Variants in MAPT observed in about 807,000 individuals in gnomAD.
The protein encoded by MAPT is microtubule associated protein tau.
Under a neutral mutation model 67.9 loss-of-function variants are expected in MAPT, and 34 were observed. That is an observed-to-expected ratio of 0.50 (90% CI 0.38 to 0.67). The LOEUF (loss-of-function observed/expected upper bound fraction) is 0.67. Ranked by LOEUF, MAPT falls within the 30% of genes least tolerant of loss-of-function variation. The pLI is 0.00. For missense variants in MAPT, 881 were observed against 1,115.2 expected, an observed-to-expected ratio of 0.79 and a Z score of 2.99; for synonymous variants, 456 against 464.5, an observed-to-expected ratio of 0.98 and a Z score of 0.23.
chr17:45,993,387 A>G (rs529444272), intron 8 of MAPT, among the ~76,000 whole-genome samples: 24 of 151,780 alleles, frequency 1.6e-4, no homozygotes, highest in African/African-American at 4.8e-4. Flanking sequence ...TTCACTTAAC[A>G]TCGGGCCAGT....
chr17:46,017,493 G>T (rs1598404809), intron 11 of MAPT, among the ~76,000 whole-genome samples: 1 of 107,752 alleles, frequency 9.3e-6, no homozygotes, highest in Admixed American at 1.2e-4. Flanking sequence ...TACTCTCATT[G>T]CCCAGGCTGG....
chr17:45,905,148 G>A (rs1329738578), intron 1 of MAPT, among the ~76,000 whole-genome samples: 1 of 152,170 alleles, frequency 6.6e-6, no homozygotes, highest in East Asian at 1.9e-4. Context: ...GCTTAGAAAC[G>A]GAGGATTTTG....
At chr17:46,019,570 C>T (rs149506968) in intron 12 of MAPT, among the ~76,000 whole-genome samples, 395 of 152,008 alleles carry the variant, frequency 2.6e-3, no homozygotes, top group Non-Finnish European at 3.6e-3. Context: ...GGTTTTGCCA[C>T]GTTGCCCAGG....
intron 2 of MAPT, among the ~76,000 whole-genome samples, chr17:45,963,707 G>T (rs1286492639): frequency 6.6e-6 from 1 of 152,200 alleles, no homozygotes; most frequent in Non-Finnish European, 1.5e-5. Flanking sequence ...AGTGACCTCT[G>T]CTGGATATGT....
chr17:45,935,325 C>T lies in MAPT; in HGVS notation c.-17-26996C>T, dbSNP rs562964520. On this transcript the variant is annotated intron_variant, in intron 1 of 12. Transcript: ENST00000262410. ...CTCACAAGGCTTTGTTCTGCAGCAA[C>T]CTTTCCTAATGCAGTCCTGGCCTCT... 6.6e-4 allele frequency among the ~76,000 whole-genome samples: 101 copies of T among 152,136 alleles called. 1 individual carries two copies. The highest frequency in any genetic ancestry group is 5.3e-4 in the Non-Finnish European group (36 of 68,014).
rs1299528611 is a variant in MAPT, at chr17:45,906,835, C to A, written c.-18+12149C>A. On this transcript the variant is annotated intron_variant, in intron 1 of 12. Coordinates refer to ENST00000262410, the MANE Select transcript of MAPT (RefSeq NM_001377265.1). This position sits in a 1 kb window ranked among gnomAD's most constrained non-coding sequence, Gnocchi z 4.3. ...GCCTTAAGCTCTTCTCCCTCCACATCCTGGAACAGACCCGCCAGTTTCTTC... is the reference window on the plus strand; with the variant it reads ...GCCTTAAGCTCTTCTCCCTCCACATACTGGAACAGACCCGCCAGTTTCTTC... Among the ~76,000 whole-genome samples, 1 of 152,204 alleles carries A rather than the reference C, an allele frequency of 6.6e-6. No individual in the cohort carries two copies. The highest frequency in any genetic ancestry group is 1.5e-5 in the Non-Finnish European group (1 of 68,024).
rs193145003 is a variant in MAPT at position 45,983,113 on chromosome 17, C to T, written c.534C>T (p.Gly178=). The stretch of plus-strand genomic sequence containing the variant: ...CCTCCCTGGAGTGGGGACAAAAAGG[C>T]GGGGACTGGGCCGAGAAGGGTCCGG... The part of the protein sequence containing the change: ...QEPSLEWGQK[G]GDWAEKGPAF... The change falls in exon 5 of 13, where the codon GGC becomes GGT. Residue 178 remains glycine, a synonymous_variant. Transcript: ENST00000262410. 10 of 1,561,102 alleles carry T rather than the reference C, an allele frequency of 6.4e-6. No homozygotes were observed. The highest frequency in any genetic ancestry group is 3.8e-5 in the Admixed American group (2 of 52,222).
At chr17:45,966,952 C>T (rs982656904) in intron 2 of MAPT, among the ~76,000 whole-genome samples, 15 of 152,232 alleles carry the variant, frequency 9.9e-5, no homozygotes, top group Admixed American at 9.8e-4. Context: ...TCATAATCCT[C>T]ATCAAATTAA....
intron 9 of MAPT, chr17:45,999,780 T>C: frequency 2.2e-6 from 2 of 922,262 alleles, no homozygotes. Context: ...TCTTGAGATA[T>C]TTTGGGGGAC....
chr17:46,014,354 G>A (rs747542707), intron 11 of MAPT, 30 bp downstream of exon 11: 36 of 1,525,360 alleles, frequency 2.4e-5, no homozygotes, highest in South Asian at 7.9e-5. Flanking sequence ...GGGTTGGGAC[G>A]GGAGGGTGCA....
intron 8 of MAPT, among the ~76,000 whole-genome samples, chr17:45,993,274 C>T (rs2074221619): frequency 6.6e-6 from 1 of 152,226 alleles, no homozygotes; most frequent in South Asian, 2.1e-4. Context: ...CTTTTCGCTT[C>T]GTGTTTTCTG....
At chr17:46,006,978 A>T (rs1003821987) in intron 9 of MAPT, among the ~76,000 whole-genome samples, 14 of 101,842 alleles carry the variant, frequency 1.4e-4, no homozygotes, top group South Asian at 2.5e-4. Context: ...ATAAAATAAA[A>T]TAAATAAAAT....
chr17:45,920,519 T>C (rs1280073262), intron 1 of MAPT, among the ~76,000 whole-genome samples: 1 of 152,132 alleles, frequency 6.6e-6, no homozygotes, highest in African/African-American at 2.4e-5. Flanking sequence ...CATTGCTGCC[T>C]CAAGGGGTCT....
Position 46,010,479 on chromosome 17 carries a change from GA to G in MAPT, c.2091+78del. ...AAGTGGTGTGAGTGCGTACACTTGCGAGACACTGCATAGAATAAATCCTTCT... is the reference window on the plus strand; with the variant it reads ...AAGTGGTGTGAGTGCGTACACTTGCGGACACTGCATAGAATAAATCCTTCT... On this transcript the variant is annotated intron_variant, in intron 10 of 12. Coordinates refer to ENST00000262410, the MANE Select transcript of MAPT (RefSeq NM_001377265.1). The surrounding 1 kb of genome is among the most constrained non-coding windows in gnomAD (Gnocchi z 4.7). 1.0e-6 allele frequency: 1 copy of G among 996,214 alleles called. No homozygotes were observed. Among genetic ancestry groups the G allele is most frequent in the Non-Finnish European group, 1.6e-6 (1 of 640,684 alleles). The allele number at this position is 996,214 out of a possible 1,614,324, so 61.7% of individuals were successfully genotyped here.
intron 9 of MAPT, chr17:45,999,165 C>G: frequency 6.9e-7 from 1 of 1,455,154 alleles, no homozygotes; most frequent in Non-Finnish European, 9.1e-7. Context: ...CCCTTAAATC[C>G]AAGTTCAGTT....
intron 1 of MAPT, among the ~76,000 whole-genome samples, chr17:45,924,986 A>G (rs1394456093): frequency 2.0e-5 from 3 of 152,138 alleles, no homozygotes; most frequent in Non-Finnish European, 4.4e-5. Context: ...AACGTAAGCA[A>G]TGGTCAGACT....
At chr17:46,018,438 C>T (rs2146148102) in intron 11 of MAPT, among the ~76,000 whole-genome samples, 180 bp from the exon 12 acceptor site, 1 of 152,342 alleles carries the variant, frequency 6.6e-6, no homozygotes, top group East Asian at 1.9e-4. Context: ...CTGCTGCAAA[C>T]CTGGAAGTCC....
intron 11 of MAPT, among the ~76,000 whole-genome samples, chr17:46,017,130 T>C (rs1230667795): frequency 2.0e-5 from 3 of 152,234 alleles, no homozygotes; most frequent in African/African-American, 7.2e-5. Context: ...TGGAAAGTAT[T>C]CCACAAGTGG....
chr17:45,915,046 T>C lies in MAPT; in HGVS notation c.-18+20360T>C, dbSNP rs773093624. Among the ~76,000 whole-genome samples the C allele has an allele frequency of 1.8e-4, 28 of 152,140 alleles. No individual in the cohort carries two copies. Among genetic ancestry groups the C allele is most frequent in the Admixed American group, 3.3e-4 (5 of 15,268 alleles). ...CTTTTTAAAAAAGATTAAATGCATGTATACGCTCAGGCATCAGCACACTTG... is the reference window on the plus strand; with the variant it reads ...CTTTTTAAAAAAGATTAAATGCATGCATACGCTCAGGCATCAGCACACTTG... On this transcript the variant is annotated intron_variant, in intron 1 of 12. Transcript: ENST00000262410. This position sits in a 1 kb window ranked among gnomAD's most constrained non-coding sequence, Gnocchi z 4.4.
Sources: allele counts gnomAD v4.1 joint callset (sites outside exome capture counted in the v4.1 genomes callset), GRCh38; gene constraint gnomAD v4.1.1; non-coding constraint Gnocchi (gnomAD v3.1); transcripts MANE v1.5; gene names NCBI Gene and HGNC (gene_info 2026-07-23, HGNC 2026-07-21).